Variants in TENM4 observed in about 807,000 individuals in gnomAD.
TENM4 encodes the protein teneurin-4.
In TENM4, 82 loss-of-function variants were observed where a neutral mutation model predicts 243.3. That is an observed-to-expected ratio of 0.34 (90% CI 0.28 to 0.40). The LOEUF (loss-of-function observed/expected upper bound fraction) is 0.40. TENM4 is among the 10% of genes least tolerant of loss of function. TENM4 has a pLI of 1.00. For synonymous variants in TENM4, 1,412 were observed against 1,456.3 expected (o/e 0.97, Z 0.69); for missense variants, 3,138 against 3,673.3 (o/e 0.85, Z 3.77).
intron 4 of TENM4, among the ~76,000 whole-genome samples, chr11:79,136,312 G>T (rs895069857): frequency 2.0e-5 from 3 of 152,156 alleles, no homozygotes; most frequent in Non-Finnish European, 1.5e-5. Flanking sequence ...AGCAGAGGAG[G>T]ATTTTAATAA....
At chr11:79,254,625 G>A (rs200673647) in intron 2 of TENM4, among the ~76,000 whole-genome samples, 2 of 152,152 alleles carry the variant, frequency 1.3e-5, no homozygotes, top group Non-Finnish European at 2.9e-5. Context: ...GAGATTAAAG[G>A]CCATTTTGTT....
At chr11:78,791,069 C>T (rs1262649730) in intron 15 of TENM4, among the ~76,000 whole-genome samples, 1 of 152,076 alleles carries the variant, frequency 6.6e-6, no homozygotes, top group Non-Finnish European at 1.5e-5. Flanking sequence ...AATGGAAGGG[C>T]CCTTGATGTT....
chr11:79,064,412 T>C (rs907241063), intron 6 of TENM4, among the ~76,000 whole-genome samples: 2 of 152,170 alleles, frequency 1.3e-5, no homozygotes, highest in African/African-American at 4.8e-5. Context: ...GCTGATTTGA[T>C]GGAGGATAAA....
chr11:78,773,264 T>C (rs916174143), intron 17 of TENM4, among the ~76,000 whole-genome samples: 3 of 152,184 alleles, frequency 2.0e-5, no homozygotes, highest in African/African-American at 7.2e-5. Context: ...AGCACAAGCT[T>C]GAGAGGCATA....
At chr11:78,841,063 A>G (rs1046650667) in intron 12 of TENM4, among the ~76,000 whole-genome samples, 1 of 152,212 alleles carries the variant, frequency 6.6e-6, no homozygotes, top group Non-Finnish European at 1.5e-5. Context: ...ACTGCCAATA[A>G]CAATAGCGAA....
chr11:79,034,227 T>A (rs1173590164), intron 6 of TENM4, among the ~76,000 whole-genome samples: 1 of 152,212 alleles, frequency 6.6e-6, no homozygotes, highest in Admixed American at 6.5e-5. Flanking sequence ...GAAGCTTTCA[T>A]CATGTATATG....
chr11:79,243,974 T>A (rs914586434), intron 2 of TENM4, among the ~76,000 whole-genome samples: 4 of 152,154 alleles, frequency 2.6e-5, no homozygotes, highest in Non-Finnish European at 5.9e-5. Context: ...GGGTGGAGCC[T>A]GAGAGTGCAT....
chr11:78,771,122 C>T lies in TENM4; in HGVS notation c.2409G>A (p.Leu803=). The stretch of plus-strand genomic sequence containing the variant: ...AGGTACATCTGCCGTTGCCATTGCA[C>T]AACCCAGGGCAACCCTCTGAAAGAC... ...DRVVKEGCPG[L]CNGNGRCTLD... The change falls in exon 18 of 34, where the codon TTG becomes TTA. Residue 803 remains leucine, a synonymous_variant. Coordinates refer to ENST00000278550, the MANE Select transcript of TENM4 (RefSeq NM_001098816.3). The T allele has an allele frequency of 3.8e-6, 6 of 1,567,938 alleles. No homozygotes were observed. The highest frequency in any genetic ancestry group is 3.5e-5 in the South Asian group (3 of 84,874).
intron 1 of TENM4, among the ~76,000 whole-genome samples, chr11:79,359,174 G>A (rs1857549319): frequency 6.6e-6 from 1 of 152,148 alleles, no homozygotes; most frequent in Non-Finnish European, 1.5e-5. Flanking sequence ...GCTGAGGCAG[G>A]AGGATTCTTT....
intron 15 of TENM4, among the ~76,000 whole-genome samples, chr11:78,793,345 C>T (rs1857097407): frequency 6.6e-6 from 1 of 152,162 alleles, no homozygotes; most frequent in Admixed American, 6.5e-5. Context: ...TCTAAAATTC[C>T]AGTCATGTGG....
At chr11:79,414,601 G>C (rs1402001308) in intron 1 of TENM4, among the ~76,000 whole-genome samples, 1 of 152,206 alleles carries the variant, frequency 6.6e-6, no homozygotes, top group African/African-American at 2.4e-5. Context: ...AGAGTGGACT[G>C]TTCCAAGTTG....
intron 9 of TENM4, among the ~76,000 whole-genome samples, chr11:78,865,686 C>A (rs1858955378): frequency 6.6e-6 from 1 of 152,158 alleles, no homozygotes; most frequent in Non-Finnish European, 1.5e-5. Flanking sequence ...TGAACACAAG[C>A]CATGGGGAAC....
At chr11:79,204,317 A>G (rs1863805190) in intron 3 of TENM4, among the ~76,000 whole-genome samples, 1 of 152,254 alleles carries the variant, frequency 6.6e-6, no homozygotes. Flanking sequence ...TGATGGTTAC[A>G]TATTTAAAAA....
chr11:78,783,937 T>C (rs1856885837), intron 16 of TENM4, among the ~76,000 whole-genome samples: 1 of 152,240 alleles, frequency 6.6e-6, no homozygotes, highest in South Asian at 2.1e-4. Flanking sequence ...TCTTGTTCTT[T>C]AAATTCTGTA....
intron 6 of TENM4, among the ~76,000 whole-genome samples, chr11:78,953,047 A>G (rs1857135956): frequency 6.6e-6 from 1 of 152,226 alleles, no homozygotes; most frequent in African/African-American, 2.4e-5. Flanking sequence ...GGAGTGGAGC[A>G]TAAATGAATT....
At chr11:78,705,618 GA>G (rs1859228538) in intron 27 of TENM4, among the ~76,000 whole-genome samples, 1 of 152,222 alleles carries the variant, frequency 6.6e-6, no homozygotes, top group South Asian at 2.1e-4. Flanking sequence ...CTGTCCACCG[GA>G]ACATTCTGTG....
At chr11:79,253,294 T>G (rs2135308467) in intron 2 of TENM4, among the ~76,000 whole-genome samples, 1 of 152,046 alleles carries the variant, frequency 6.6e-6, no homozygotes, top group East Asian at 1.9e-4. Flanking sequence ...CTGAGCAAAC[T>G]CATCAATGTT....
intron 6 of TENM4, among the ~76,000 whole-genome samples, chr11:79,038,274 G>A (rs748162503): frequency 2.0e-5 from 3 of 152,170 alleles, no homozygotes; most frequent in Admixed American, 6.5e-5. Context: ...CCAGGTGTCT[G>A]GTAATCATGT....
intron 1 of TENM4, among the ~76,000 whole-genome samples, chr11:79,376,563 C>T (rs967258431): frequency 6.6e-6 from 1 of 152,160 alleles, no homozygotes; most frequent in Non-Finnish European, 1.5e-5. Context: ...TATAATAGTC[C>T]CTTGACCTAT....
Sources: gnomAD v4.1 joint callset for allele counts (sites outside exome capture counted in the v4.1 genomes callset) on GRCh38, gnomAD v4.1.1 for gene constraint, MANE v1.5 for transcripts, NCBI Gene and HGNC (gene_info 2026-07-23, HGNC 2026-07-21) for gene names.